The following KCNH5 variants were observed in gnomAD, a reference collection of about 807,000 sequenced individuals.
The protein encoded by KCNH5 is potassium voltage-gated channel subfamily H member 5, also known as voltage-gated delayed rectifier potassium channel KCNH5.
Under a neutral mutation model 96.1 loss-of-function variants are expected in KCNH5, and 46 were observed. The ratio of observed to expected loss-of-function variants is 0.48; its 90% confidence interval spans 0.38 to 0.61. KCNH5 has a LOEUF of 0.61. Among genes scored for constraint, KCNH5 ranks in the 20% least tolerant of loss-of-function variants. The probability of loss-of-function intolerance (pLI) is 0.00; values close to 1 mark genes in which losing one functional copy is unlikely to be tolerated. For synonymous variants in KCNH5, 439 were observed against 449.8 expected (o/e 0.98, Z 0.30); for missense variants, 907 against 1,225.8 (o/e 0.74, Z 3.88).
At chr14:62,944,617 G>A (rs939970848) in intron 7 of KCNH5, among the ~76,000 whole-genome samples, 4 of 152,088 alleles carry the variant, frequency 2.6e-5, no homozygotes, top group East Asian at 3.8e-4. Context: ...GGAAAAAAAT[G>A]ATACTATATT....
intron 5 of KCNH5, among the ~76,000 whole-genome samples, chr14:62,983,112 G>T (rs1890640437): frequency 6.6e-6 from 1 of 152,078 alleles, no homozygotes; most frequent in African/African-American, 2.4e-5. Flanking sequence ...TCAAACTTGG[G>T]AAATAAGAAC....
At chr14:62,788,388 A>G (rs181550867) in intron 9 of KCNH5, among the ~76,000 whole-genome samples, 4 of 152,162 alleles carry the variant, frequency 2.6e-5, no homozygotes, top group Admixed American at 2.6e-4. Flanking sequence ...ATGAGCAAAG[A>G]AAGTGGTTTC....
intron 7 of KCNH5, among the ~76,000 whole-genome samples, chr14:62,897,465 TAAC>T (rs1414222167): frequency 1.3e-5 from 2 of 152,142 alleles, no homozygotes; most frequent in Non-Finnish European, 2.9e-5. Context: ...AATGAAAACT[TAAC>T]AAGAGTGCTC....
At chr14:62,817,603 C>G (rs1887014781) in intron 8 of KCNH5, among the ~76,000 whole-genome samples, 1 of 150,080 alleles carries the variant, frequency 6.7e-6, no homozygotes, top group Non-Finnish European at 1.5e-5. Flanking sequence ...GCTATATCTA[C>G]TATATGTCGA....
At chr14:62,759,443 T>C (rs1158465418) in intron 10 of KCNH5, among the ~76,000 whole-genome samples, 1 of 152,174 alleles carries the variant, frequency 6.6e-6, no homozygotes, top group East Asian at 1.9e-4. Flanking sequence ...TGGAAAATAC[T>C]GAGGTGCCTG....
chr14:62,761,893 G>C (rs1223346990), intron 10 of KCNH5, among the ~76,000 whole-genome samples: 1 of 152,128 alleles, frequency 6.6e-6, no homozygotes, highest in Non-Finnish European at 1.5e-5. Context: ...GGAGGATGCA[G>C]ACCCTGGGGT....
intron 1 of KCNH5, among the ~76,000 whole-genome samples, chr14:63,044,026 A>G (rs1161459179): frequency 6.6e-6 from 1 of 152,196 alleles, no homozygotes; most frequent in African/African-American, 2.4e-5. Flanking sequence ...ATGAATGAAT[A>G]AACAAGGCAC....
intron 7 of KCNH5, among the ~76,000 whole-genome samples, chr14:62,888,694 T>C (rs560081700): frequency 6.6e-6 from 1 of 152,332 alleles, no homozygotes; most frequent in East Asian, 1.9e-4. Flanking sequence ...CAAGTTTCTG[T>C]GCATATGTTG....
intron 10 of KCNH5, among the ~76,000 whole-genome samples, chr14:62,772,092 C>T (rs1885998759): frequency 6.6e-6 from 1 of 151,962 alleles, no homozygotes; most frequent in Non-Finnish European, 1.5e-5. Flanking sequence ...TGTTAGTTTT[C>T]AGCCCTAACA....
intron 8 of KCNH5, among the ~76,000 whole-genome samples, chr14:62,820,231 T>A (rs1887087618): frequency 6.6e-6 from 1 of 152,212 alleles, no homozygotes; most frequent in Non-Finnish European, 1.5e-5. Flanking sequence ...AAAGTGAAAC[T>A]AATCAATTAT....
chr14:62,768,215 T>TA (rs11347891), intron 10 of KCNH5, among the ~76,000 whole-genome samples: 1 of 151,722 alleles, frequency 6.6e-6, no homozygotes, highest in African/African-American at 2.4e-5. Flanking sequence ...ATACAAATTA[T>TA]AAAAAAAATT....
chr14:62,888,164 C>T (rs936180463), intron 7 of KCNH5, among the ~76,000 whole-genome samples: 10 of 152,090 alleles, frequency 6.6e-5, no homozygotes, highest in Non-Finnish European at 1.5e-4. Flanking sequence ...CTTTGTCTTA[C>T]CAAGAATATA....
At chr14:62,712,974 G>A (rs1397170805) in intron 10 of KCNH5, among the ~76,000 whole-genome samples, 1 of 152,126 alleles carries the variant, frequency 6.6e-6, no homozygotes, top group Non-Finnish European at 1.5e-5. Context: ...CAGGGAGCAG[G>A]GAGGGTCAAA....
At chr14:62,756,949 G>A (rs747094488) in intron 10 of KCNH5, among the ~76,000 whole-genome samples, 13 of 151,986 alleles carry the variant, frequency 8.6e-5, no homozygotes, top group South Asian at 2.1e-4. Flanking sequence ...TGGACAAATA[G>A]ATCACGTTAA....
chr14:62,903,953 A>C (rs1488404142), intron 7 of KCNH5, among the ~76,000 whole-genome samples: 2 of 152,014 alleles, frequency 1.3e-5, no homozygotes, highest in Non-Finnish European at 2.9e-5. Context: ...GTCACACGCT[A>C]TTTTCTTAAA....
intron 4 of KCNH5, among the ~76,000 whole-genome samples, chr14:62,990,131 GA>G (rs968447057): frequency 6.7e-6 from 1 of 148,268 alleles, no homozygotes; most frequent in African/African-American, 2.5e-5. Context: ...AAAACATTTT[GA>G]AAAAAAAAGG....
chr14:62,854,763 C>G (rs1887897336), intron 7 of KCNH5, among the ~76,000 whole-genome samples: 1 of 151,766 alleles, frequency 6.6e-6, no homozygotes, highest in Non-Finnish European at 1.5e-5. Flanking sequence ...CTTAGTAAAT[C>G]TGGCATACAT....
chr14:62,886,665 T>C (rs969578197), intron 7 of KCNH5, among the ~76,000 whole-genome samples: 16 of 152,240 alleles, frequency 1.1e-4, no homozygotes, highest in Non-Finnish European at 4.4e-5. Flanking sequence ...TCATCAATCA[T>C]ACTTTTCAGG....
chr14:62,850,292 A>G (rs747220105), intron 7 of KCNH5, among the ~76,000 whole-genome samples: 10 of 152,190 alleles, frequency 6.6e-5, no homozygotes, highest in Non-Finnish European at 1.3e-4. Flanking sequence ...GCTCTTTCTC[A>G]CTGCCTGCTC....
Sources: gnomAD v4.1 joint callset for allele counts (sites outside exome capture counted in the v4.1 genomes callset) on GRCh38, gnomAD v4.1.1 for gene constraint, MANE v1.5 for transcripts, NCBI Gene and HGNC (gene_info 2026-07-23, HGNC 2026-07-21) for gene names.